The following KHDRBS2 variants were observed in gnomAD, a reference collection of about 807,000 sequenced individuals.
KHDRBS2 encodes KH RNA binding domain containing, signal transduction associated 2.
In KHDRBS2, 26 loss-of-function variants were observed where a neutral mutation model predicts 44.3. That is an observed-to-expected ratio of 0.59 (90% CI 0.43 to 0.81). The LOEUF is 0.81. Among genes scored for constraint, KHDRBS2 ranks in the 40% least tolerant of loss-of-function variants. The pLI is 0.00. For synonymous variants in KHDRBS2, 194 were observed against 151.1 expected, an observed-to-expected ratio of 1.28 and a Z score of -2.08; for missense variants, 476 against 433.1, an observed-to-expected ratio of 1.10 and a Z score of -0.88.
intron 2 of KHDRBS2, among the ~76,000 whole-genome samples, chr6:62,106,141 G>A (rs1223198488): frequency 2.0e-5 from 3 of 152,134 alleles, no homozygotes; most frequent in Non-Finnish European, 4.4e-5. Flanking sequence ...TGGTGTGAGA[G>A]ACAGTTTGTT....
intron 2 of KHDRBS2, among the ~76,000 whole-genome samples, chr6:62,173,792 C>T (rs1244776967): frequency 6.6e-6 from 1 of 151,686 alleles, no homozygotes; most frequent in East Asian, 1.9e-4. Context: ...TGATTATTCA[C>T]ACAAATTAAA....
the KHDRBS2 span, among the ~76,000 whole-genome samples, chr6:61,631,817 A>G: frequency 3.3e-5 from 5 of 152,134 alleles, no homozygotes; most frequent in African/African-American, 4.8e-5. Context: ...TCTGAATGTG[A>G]GTCTGGATTC....
chr6:61,894,625 G>T lies in KHDRBS2; in HGVS notation c.810+10C>A. ...CTCATCCTTACAACTTATTTCTTAAGAGTACTTACATATTCTTCATAAGCT... is the reference window on the plus strand; with the variant it reads ...CTCATCCTTACAACTTATTTCTTAATAGTACTTACATATTCTTCATAAGCT... On this transcript the variant is annotated intron_variant, in intron 6 of 8. Coordinates refer to ENST00000281156, the MANE Select transcript of KHDRBS2 (RefSeq NM_152688.4). The T allele has an allele frequency of 6.2e-7, 1 of 1,603,730 alleles. No homozygotes were observed.
At position 62,191,677 on chromosome 6, in the gene KHDRBS2, G is replaced by T. The variant is rs577738536; in HGVS notation, c.92-14365C>A. ...AAATCTTTCTAGAAGAATATCACTTGGTTTTTAATGTGAAAATTTCATAAA... is the reference window on the plus strand; with the variant it reads ...AAATCTTTCTAGAAGAATATCACTTTGTTTTTAATGTGAAAATTTCATAAA... On this transcript the variant is annotated intron_variant, in intron 1 of 8. Transcript: ENST00000281156. Among the ~76,000 whole-genome samples the T allele has an allele frequency of 3.3e-5, 5 of 151,912 alleles. No homozygotes were observed. The South Asian group carries it at 8.3e-4, about 25-fold the overall frequency.
chr6:62,169,037 A>ATATATATATATATATG (rs1277153983), intron 2 of KHDRBS2, among the ~76,000 whole-genome samples: 1 of 132,712 alleles, frequency 7.5e-6, no homozygotes, highest in East Asian at 2.3e-4. Flanking sequence ...CTCCAGTCAT[A>ATATATATATATATATG]TATATATATA....
intron 1 of KHDRBS2, among the ~76,000 whole-genome samples, chr6:62,222,338 G>T (rs1006387195): frequency 6.6e-6 from 1 of 152,092 alleles, no homozygotes; most frequent in Non-Finnish European, 1.5e-5. Flanking sequence ...GAGAAAAAGA[G>T]GTTTAATTGG....
intron 3 of KHDRBS2, among the ~76,000 whole-genome samples, chr6:61,982,424 C>T (rs1278630831): frequency 6.6e-6 from 1 of 152,038 alleles, no homozygotes; most frequent in African/African-American, 2.4e-5. Context: ...GTAATCTCAG[C>T]GCTTTGGGAG....
At chr6:62,115,560 T>A (rs1021213891) in intron 2 of KHDRBS2, among the ~76,000 whole-genome samples, 6 of 152,150 alleles carry the variant, frequency 3.9e-5, no homozygotes, top group African/African-American at 1.4e-4. Flanking sequence ...AATATAACAA[T>A]GGCAAAGTAA....
intron 2 of KHDRBS2, among the ~76,000 whole-genome samples, chr6:62,092,690 T>C (rs1466637795): frequency 6.6e-6 from 1 of 152,214 alleles, no homozygotes; most frequent in African/African-American, 2.4e-5. Context: ...ACCTTTATTT[T>C]CATCAATCTT....
At chr6:62,113,092 C>T (rs1294740485) in intron 2 of KHDRBS2, among the ~76,000 whole-genome samples, 1 of 152,032 alleles carries the variant, frequency 6.6e-6, no homozygotes, top group African/African-American at 2.4e-5. Context: ...GAATGGATTG[C>T]CTCAAATATC....
the KHDRBS2 span, among the ~76,000 whole-genome samples, chr6:61,633,407 C>A: frequency 6.6e-6 from 1 of 152,052 alleles, no homozygotes; most frequent in Non-Finnish European, 1.5e-5. Flanking sequence ...GAACAATTTA[C>A]AGATGCCACA....
chr6:62,085,616 G>C (rs920197765), intron 2 of KHDRBS2, among the ~76,000 whole-genome samples: 12 of 152,100 alleles, frequency 7.9e-5, no homozygotes, highest in Admixed American at 1.3e-4. Flanking sequence ...ATGCTGCTGA[G>C]AAACCAAGTC....
chr6:61,762,560 A>G (rs1184068048), intron 6 of KHDRBS2, among the ~76,000 whole-genome samples: 1 of 152,034 alleles, frequency 6.6e-6, no homozygotes, highest in African/African-American at 2.4e-5. Flanking sequence ...TCTCTTGTCT[A>G]TCTGTCTTTC....
At chr6:62,175,579 T>C (rs766286404) in intron 2 of KHDRBS2, among the ~76,000 whole-genome samples, 11 of 151,594 alleles carry the variant, frequency 7.3e-5, no homozygotes, top group Non-Finnish European at 1.3e-4. Flanking sequence ...TTATATATTC[T>C]GTGATTTCCA....
intron 2 of KHDRBS2, among the ~76,000 whole-genome samples, chr6:62,069,122 G>T (rs1465039098): frequency 6.6e-6 from 1 of 151,546 alleles, no homozygotes; most frequent in Non-Finnish European, 1.5e-5. Flanking sequence ...CTGACCTCTT[G>T]TGTAGTTAAA....
At chr6:62,192,974 T>G (rs1443629087) in intron 1 of KHDRBS2, among the ~76,000 whole-genome samples, 1 of 152,110 alleles carries the variant, frequency 6.6e-6, no homozygotes, top group Admixed American at 6.6e-5. Context: ...TTGAGAAGTT[T>G]ATTAAATACA....
At chr6:61,734,892 T>C (rs1176202301) in intron 6 of KHDRBS2, among the ~76,000 whole-genome samples, 1 of 152,166 alleles carries the variant, frequency 6.6e-6, no homozygotes, top group Non-Finnish European at 1.5e-5. Flanking sequence ...CCTGAAGAAC[T>C]GTGTCATTGT....
chr6:62,197,584 A>T (rs545702679), intron 1 of KHDRBS2, among the ~76,000 whole-genome samples: 1 of 152,176 alleles, frequency 6.6e-6, no homozygotes, highest in African/African-American at 2.4e-5. Flanking sequence ...AGTTTTTCAG[A>T]CTAATAAACA....
intron 8 of KHDRBS2, among the ~76,000 whole-genome samples, chr6:61,687,102 T>C (rs951787979): frequency 6.6e-6 from 1 of 151,708 alleles, no homozygotes; most frequent in African/African-American, 2.4e-5. Flanking sequence ...TTTGTAATTA[T>C]ATAGTTTATT....
Sources: gnomAD v4.1 joint callset for allele counts (sites outside exome capture counted in the v4.1 genomes callset) on GRCh38, gnomAD v4.1.1 for gene constraint, MANE v1.5 for transcripts, NCBI Gene and HGNC (gene_info 2026-07-23, HGNC 2026-07-21) for gene names.